The following URB1 variants were observed in gnomAD, a reference collection of about 807,000 sequenced individuals.
URB1 encodes URB1 ribosome biogenesis factor.
In URB1, 197 loss-of-function variants were observed where a neutral mutation model predicts 242.3. That is an observed-to-expected ratio of 0.81 (90% confidence interval 0.72 to 0.91). The LOEUF (loss-of-function observed/expected upper bound fraction) is 0.91. Among genes scored for constraint, URB1 ranks in the 40% least tolerant of loss-of-function variants. The probability of loss-of-function intolerance (pLI) is 0.00; values close to 1 mark genes in which losing one functional copy is unlikely to be tolerated. For missense variants in URB1, 2,721 were observed against 2,860.5 expected (o/e 0.95, Z 1.11); for synonymous variants, 1,153 against 1,201.8 (o/e 0.96, Z 0.84).
At chr21:32,391,707 T>C (rs1404316797) in intron 1 of URB1, among the ~76,000 whole-genome samples, 2 of 152,134 alleles carry the variant, frequency 1.3e-5, no homozygotes. Context: ...CAAGTACAGG[T>C]ATAGGTATCA....
chr21:32,373,165 C>A (rs1319153335), intron 7 of URB1, among the ~76,000 whole-genome samples: 1 of 152,094 alleles, frequency 6.6e-6, no homozygotes, highest in Non-Finnish European at 1.5e-5. Flanking sequence ...CAATTTAGCA[C>A]GAGTTAACTA....
rs1232198935 is a variant in URB1 at position 32,353,026 on chromosome 21, G to A, written c.2417-120C>T. 7.8e-6 allele frequency: 8 copies of A among 1,020,100 alleles called. No homozygotes were observed. In the African/African-American group the frequency reaches 1.1e-4, roughly 15 times the overall value. 63.2% of individuals were successfully genotyped at this position (1,020,100 alleles called of 1,614,324 possible). A position where few individuals can be genotyped will look rare whatever the true frequency, so the allele number is the denominator to read the frequency against. On this transcript the variant is annotated intron_variant, in intron 18 of 38. Coordinates refer to ENST00000382751, the MANE Select transcript of URB1 (RefSeq NM_014825.3). The stretch of plus-strand genomic sequence containing the variant: ...CTGAAAAATTCATGCAACTCCATGA[G>A]GGGACACATAACCACAGGGAAGGAA...
At chr21:32,370,673 T>G (rs914320808) in intron 8 of URB1, among the ~76,000 whole-genome samples, 2 of 152,254 alleles carry the variant, frequency 1.3e-5, no homozygotes, top group African/African-American at 2.4e-5. Flanking sequence ...CCCAGCTGTC[T>G]GCTCTGTTAA....
At chr21:32,353,883 C>G (rs1171187508) in intron 18 of URB1, 50 bp downstream of exon 18, 1 of 1,535,484 alleles carries the variant, frequency 6.5e-7, no homozygotes, top group East Asian at 2.4e-5. Context: ...CCACCCTGCA[C>G]AGACTAGCCG....
chr21:32,318,009 G>A, intron 36 of URB1, 92 bp from the exon 37 acceptor site: 1 of 1,479,542 alleles, frequency 6.8e-7, no homozygotes, highest in Non-Finnish European at 9.1e-7. Flanking sequence ...CACACACCCA[G>A]AGGTGCACAC....
chr21:32,377,873 C>T (rs2123618155), intron 5 of URB1, among the ~76,000 whole-genome samples: 1 of 152,204 alleles, frequency 6.6e-6, no homozygotes, highest in South Asian at 2.1e-4. Context: ...GAGCAACTGC[C>T]ATGTGCTGAG....
intron 1 of URB1, among the ~76,000 whole-genome samples, chr21:32,387,911 C>T (rs554037960): frequency 3.7e-4 from 56 of 152,312 alleles, no homozygotes; most frequent in African/African-American, 1.3e-3. Context: ...ATGAGAGTTT[C>T]GAGATCCTTC....
Position 32,334,222 on chromosome 21 carries a change from C to T in URB1, c.4798G>A (p.Asp1600Asn), listed in dbSNP as rs960052940. 1 of 1,551,526 alleles carries T rather than the reference C, an allele frequency of 6.4e-7. No homozygotes were observed. Among genetic ancestry groups the T allele is most frequent in the Non-Finnish European group, 8.7e-7 (1 of 1,146,944 alleles). ...TGCAGGATGGTCTGCATCATCCGGT[C>T]CCGGTCCAGCAGGCGAAGGATGTCC... ...VGDILRLLDRDRMMQTILHFP... is the reference protein window; with the variant it reads ...VGDILRLLDRNRMMQTILHFP... The change falls in exon 29 of 39, where the codon GAC (aspartate) becomes AAC (asparagine). Residue 1600 changes from aspartate to asparagine, a missense_variant. Transcript: ENST00000382751.
rs1385439861 is a variant in URB1 at position 32,341,439 on chromosome 21, G to A, written c.4316+27C>T. ...AACGACATTCACACCTTTACCGAAG[G>A]GCACCAAGAAAATAAAATCAACTTA... On this transcript the variant is annotated intron_variant, in intron 25 of 38. Coordinates refer to ENST00000382751, the MANE Select transcript of URB1 (RefSeq NM_014825.3). 3 of 1,550,166 alleles carry A rather than the reference G, an allele frequency of 1.9e-6. No homozygotes were observed. In the Admixed American group the frequency reaches 5.9e-5, roughly 30 times the overall value.
intron 8 of URB1, among the ~76,000 whole-genome samples, chr21:32,370,605 T>C (rs995299345): frequency 5.3e-5 from 8 of 152,198 alleles, no homozygotes; most frequent in Non-Finnish European, 1.0e-4. Context: ...GACAAGATAA[T>C]GGAGGCAGAG....
At position 32,312,949 on chromosome 21, in the gene URB1, CTAAG is replaced by C. The variant is rs1323284719; in HGVS notation, c.*1965_*1968del. ...TGGGATGAGATTCCCTTCCTCCACA[CTAAG>C]TGACTGGAAAATACACGAACAAGGT... On this transcript the variant is annotated 3_prime_UTR_variant, in exon 39 of 39. Coordinates refer to ENST00000382751, the MANE Select transcript of URB1 (RefSeq NM_014825.3). 2 of 152,194 alleles carry C rather than the reference CTAAG, an allele frequency of 1.3e-5. No homozygotes were observed. The highest frequency in any genetic ancestry group is 2.9e-5 in the Non-Finnish European group (2 of 68,050). The allele number at this position is 152,194 out of a possible 1,614,324, so 9.4% of individuals were successfully genotyped here.
chr21:32,325,100 A>C, intron 31 of URB1, 129 bp downstream of exon 31: 7 of 1,198,278 alleles, frequency 5.8e-6, no homozygotes, highest in Non-Finnish European at 7.9e-6. Flanking sequence ...GCTCTTCAGC[A>C]GAGATCTCCC....
At chr21:32,326,405 G>C (rs895349430) in intron 30 of URB1, among the ~76,000 whole-genome samples, 2 of 152,156 alleles carry the variant, frequency 1.3e-5, no homozygotes, top group African/African-American at 4.8e-5. Context: ...GTTAAAGAAA[G>C]ATAAAGCATT....
Position 32,311,513 on chromosome 21 carries a change from C to A in URB1, c.*3405G>T. ...GCACTTCCTCTCCTCTGAGATTTCTCTAGAATGGCCACCTTTGTGAGCTGG... is the reference window on the plus strand; with the variant it reads ...GCACTTCCTCTCCTCTGAGATTTCTATAGAATGGCCACCTTTGTGAGCTGG... On this transcript the variant is annotated 3_prime_UTR_variant, in exon 39 of 39. Coordinates refer to ENST00000382751, the MANE Select transcript of URB1 (RefSeq NM_014825.3). The A allele has an allele frequency of 1.2e-6, 1 of 826,408 alleles. No homozygotes were observed. The highest frequency in any genetic ancestry group is 1.8e-6 in the Non-Finnish European group (1 of 565,650). The allele number at this position is 826,408 out of a possible 1,614,324, so 51.2% of individuals were successfully genotyped here.
chr21:32,336,217 TTTC>T (rs1207645967), intron 28 of URB1, among the ~76,000 whole-genome samples: 4 of 152,162 alleles, frequency 2.6e-5, no homozygotes, highest in African/African-American at 9.7e-5. Flanking sequence ...TTCCTTTTTC[TTTC>T]TTTTTTTTGT....
intron 5 of URB1, 114 bp from the exon 6 acceptor site, chr21:32,375,597 T>C (rs2033450207): frequency 3.3e-6 from 1 of 302,514 alleles, no homozygotes; most frequent in Non-Finnish European, 5.7e-6. Flanking sequence ...CTTTTTCAAG[T>C]TTTTTTTTTT....
chr21:32,359,949 A>C lies in URB1; in HGVS notation c.1757-41T>G, dbSNP rs528834261. On this transcript the variant is annotated intron_variant, in intron 13 of 38. Coordinates refer to ENST00000382751, the MANE Select transcript of URB1 (RefSeq NM_014825.3). ...AGGCAGGCTGAAAAAAGTCACATGG[A>C]CGTGGGTGCCCAACAATTGCTGCCC... 2.1e-4 allele frequency: 319 copies of C among 1,533,588 alleles called. No individual in the cohort carries two copies. The African/African-American group carries it at 3.8e-3, about 18-fold the overall frequency. The allele number at this position is 1,533,588 out of a possible 1,614,324, so 95.0% of individuals were successfully genotyped here. A position where few individuals can be genotyped will look rare whatever the true frequency, so the allele number is the denominator to read the frequency against.
intron 23 of URB1, among the ~76,000 whole-genome samples, 192 bp downstream of exon 23, chr21:32,345,182 G>A (rs1400495099): frequency 1.3e-5 from 2 of 152,024 alleles, no homozygotes; most frequent in Admixed American, 6.6e-5. Context: ...CAGGGAACCC[G>A]ACCCAGCCAT....
At chr21:32,374,435 CG>C (rs2033437927) in intron 6 of URB1, among the ~76,000 whole-genome samples, 1 of 152,158 alleles carries the variant, frequency 6.6e-6, no homozygotes, top group Non-Finnish European at 1.5e-5. Context: ...AACAACCATA[CG>C]TCACGGTCCA....
Sources: gnomAD v4.1 joint callset for allele counts (sites outside exome capture counted in the v4.1 genomes callset) on GRCh38, gnomAD v4.1.1 for gene constraint, MANE v1.5 for transcripts, NCBI Gene and HGNC (gene_info 2026-07-23, HGNC 2026-07-21) for gene names.